Variants in LPP observed in about 807,000 individuals in gnomAD.
LPP encodes lipoma-preferred partner.
In LPP, 38 loss-of-function variants were observed where a neutral mutation model predicts 60.4. The ratio of observed to expected loss-of-function variants is 0.63; its 90% CI spans 0.49 to 0.83. The LOEUF (loss-of-function observed/expected upper bound fraction) is 0.83. Ranked by LOEUF, LPP falls within the 40% of genes least tolerant of loss-of-function variation. The pLI, the probability that LPP is intolerant of heterozygous loss-of-function variation, is 0.00. For missense variants in LPP, 902 were observed against 783.6 expected (o/e 1.15, Z -1.80); for synonymous variants, 328 against 290.8 (o/e 1.13, Z -1.30).
At chr3:188,768,489 T>C (rs1171648031) in intron 9 of LPP, among the ~76,000 whole-genome samples, 1 of 152,234 alleles carries the variant, frequency 6.6e-6, no homozygotes, top group African/African-American at 2.4e-5. Context: ...CATAATTTGC[T>C]ATATTGATAT....
chr3:188,533,920 A>G (rs1284732183), intron 6 of LPP, among the ~76,000 whole-genome samples: 1 of 152,144 alleles, frequency 6.6e-6, no homozygotes, highest in Non-Finnish European at 1.5e-5. Context: ...TTAGAAGATG[A>G]TGTGTTTGTG....
Position 188,875,947 on chromosome 3 carries a change from A to G in LPP, c.*1468A>G, listed in dbSNP as rs1040783098. On this transcript the variant is annotated 3_prime_UTR_variant, in exon 12 of 12. Coordinates refer to ENST00000617246, the MANE Select transcript of LPP (RefSeq NM_001375462.1). ...TTCTTCAAATCTCCCACAAGTATATACTTTTAAATTATGGAGTATTTTAAG... is the reference window on the plus strand; with the variant it reads ...TTCTTCAAATCTCCCACAAGTATATGCTTTTAAATTATGGAGTATTTTAAG... 53 of 183,546 alleles carry G rather than the reference A, an allele frequency of 2.9e-4. No individual in the cohort carries two copies. The highest frequency in any genetic ancestry group is 9.3e-5 in the Non-Finnish European group (8 of 86,312). The allele number at this position is 183,546 out of a possible 1,614,324, so 11.4% of individuals were successfully genotyped here.
chr3:188,326,195 A>T (rs528692013), intron 2 of LPP, among the ~76,000 whole-genome samples: 111 of 152,278 alleles, frequency 7.3e-4, no homozygotes, highest in African/African-American at 2.4e-3. Context: ...TGGAAATACC[A>T]GGTCTTCCGA....
intron 9 of LPP, among the ~76,000 whole-genome samples, chr3:188,853,039 A>G (rs1335761504): frequency 2.6e-5 from 4 of 152,152 alleles, no homozygotes; most frequent in South Asian, 2.1e-4. Flanking sequence ...AATCCCGGCT[A>G]CTCAGGAGGC....
chr3:188,294,762 C>G (rs1293526185), intron 2 of LPP, among the ~76,000 whole-genome samples: 1 of 152,172 alleles, frequency 6.6e-6, no homozygotes, highest in East Asian at 1.9e-4. Context: ...TTCTTATCCA[C>G]CCATTTTAAA....
At position 188,236,358 on chromosome 3, in the gene LPP, G is replaced by C. The variant is rs147170933; in HGVS notation, c.-67+10831G>C. ...CTGAATGAAACGAGGTAGCAAGCCA[G>C]AGATGTGTGGGTGGGATGGACTGGA... On this transcript the variant is annotated intron_variant, in intron 2 of 11. Coordinates refer to ENST00000617246, the MANE Select transcript of LPP (RefSeq NM_001375462.1). Among the ~76,000 whole-genome samples, 934 of 152,326 alleles carry C rather than the reference G, an allele frequency of 6.1e-3. 5 individuals carry two copies. Among genetic ancestry groups the C allele is most frequent in the Non-Finnish European group, 9.4e-3 (637 of 68,022 alleles).
chr3:188,458,685 T>A (rs1336822405), intron 4 of LPP, among the ~76,000 whole-genome samples: 4 of 152,194 alleles, frequency 2.6e-5, no homozygotes, highest in Admixed American at 6.5e-5. Context: ...TTCTGCAAAT[T>A]TTAGTCTTTA....
chr3:188,474,321 G>A (rs1174102528), intron 4 of LPP, among the ~76,000 whole-genome samples: 2 of 147,230 alleles, frequency 1.4e-5, no homozygotes, highest in Non-Finnish European at 3.1e-5. Flanking sequence ...CTAACAAAGA[G>A]CAGAATATTG....
chr3:188,797,022 CCA>C (rs1745571627), intron 9 of LPP, among the ~76,000 whole-genome samples: 1 of 152,170 alleles, frequency 6.6e-6, no homozygotes, highest in South Asian at 2.1e-4. Flanking sequence ...GCTTCCATCT[CCA>C]CAGACTCTGC....
chr3:188,665,339 A>G (rs1402109506), intron 7 of LPP, among the ~76,000 whole-genome samples: 1 of 152,146 alleles, frequency 6.6e-6, no homozygotes, highest in Non-Finnish European at 1.5e-5. Context: ...AAAGGAAAGA[A>G]TGGTTTCCAT....
At chr3:188,634,185 G>A (rs1848315646) in intron 7 of LPP, among the ~76,000 whole-genome samples, 2 of 152,204 alleles carry the variant, frequency 1.3e-5, no homozygotes, top group South Asian at 4.1e-4. Flanking sequence ...CGATTCAAAT[G>A]ACCACTCTGA....
chr3:188,520,253 C>G (rs1253760072), intron 5 of LPP, among the ~76,000 whole-genome samples: 1 of 152,206 alleles, frequency 6.6e-6, no homozygotes, highest in African/African-American at 2.4e-5. Context: ...TAAAGGGACG[C>G]TGTCAGTAGA....
chr3:188,720,797 C>T (rs1365300944), intron 8 of LPP, among the ~76,000 whole-genome samples: 1 of 152,160 alleles, frequency 6.6e-6, no homozygotes. Flanking sequence ...TTTGAGCTTG[C>T]ATGAGCCTTG....
At chr3:188,229,382 G>A (rs1719013067) in intron 2 of LPP, among the ~76,000 whole-genome samples, 1 of 152,156 alleles carries the variant, frequency 6.6e-6, no homozygotes, top group Admixed American at 6.5e-5. Context: ...CTGTCGCCAA[G>A]GGCTTTCAGT....
chr3:188,368,497 A>T (rs1028979804), intron 3 of LPP, among the ~76,000 whole-genome samples: 2 of 152,088 alleles, frequency 1.3e-5, no homozygotes, highest in African/African-American at 2.4e-5. Context: ...GAGGGCCAGA[A>T]GGCTTTAGTA....
At chr3:188,695,321 G>C (rs2149515749) in intron 7 of LPP, among the ~76,000 whole-genome samples, 1 of 152,232 alleles carries the variant, frequency 6.6e-6, no homozygotes, top group East Asian at 1.9e-4. Context: ...TGATTGATTA[G>C]AAATATTAAA....
At chr3:188,521,115 A>G (rs997106827) in intron 5 of LPP, among the ~76,000 whole-genome samples, 11 of 152,202 alleles carry the variant, frequency 7.2e-5, no homozygotes, top group African/African-American at 2.7e-4. Flanking sequence ...AAAAAGGCCT[A>G]TTCTAATTCA....
chr3:188,384,369 C>T (rs997459034), intron 3 of LPP, among the ~76,000 whole-genome samples: 1 of 137,706 alleles, frequency 7.3e-6, no homozygotes, highest in Non-Finnish European at 1.6e-5. Flanking sequence ...GATCTACATA[C>T]ATGTGTACAC....
intron 6 of LPP, among the ~76,000 whole-genome samples, chr3:188,582,154 C>CTTTCTTTTTTTTTTT (rs1553934116): frequency 9.8e-6 from 1 of 102,230 alleles, no homozygotes; most frequent in Non-Finnish European, 1.9e-5. Context: ...TTTTCTTTTT[C>CTTTCTTTTTTTTTTT]TTTTTTTTTT....
Sources: allele counts gnomAD v4.1 joint callset (sites outside exome capture counted in the v4.1 genomes callset), GRCh38; gene constraint gnomAD v4.1.1; transcripts MANE v1.5; gene names NCBI Gene and HGNC (gene_info 2026-07-23, HGNC 2026-07-21).